The following ECSIT variants were observed in gnomAD, a reference collection of about 807,000 sequenced individuals.
ECSIT encodes the protein ECSIT signaling integrator, also known as evolutionarily conserved signaling intermediate in Toll pathway, mitochondrial.
Under a neutral mutation model 36.8 loss-of-function variants are expected in ECSIT, and 29 were observed. The ratio of observed to expected loss-of-function variants is 0.79; its 90% CI spans 0.59 to 1.08. The LOEUF (loss-of-function observed/expected upper bound fraction) is 1.08, where lower values mean the gene tolerates loss of function less well. ECSIT is among the 50% of genes least tolerant of loss of function. ECSIT has a pLI of 0.00. For synonymous variants in ECSIT, 231 were observed against 234.8 expected (o/e 0.98, Z 0.15); for missense variants, 542 against 581.0 (o/e 0.93, Z 0.69).
In ECSIT at chr19:11,513,921, G is replaced by T. The variant is rs371566251; in HGVS notation, c.397C>A (p.Leu133Ile). 7 of 1,614,204 alleles carry T rather than the reference G, an allele frequency of 4.3e-6. No individual in the cohort carries two copies. Among genetic ancestry groups the T allele is most frequent in the Non-Finnish European group, 5.9e-6 (7 of 1,180,040 alleles). Residue 133 changes from leucine to isoleucine, a missense_variant, in exon 3 of 8, where the codon CTC becomes ATC. Physicochemically the swap from Leu to Ile is conservative, Grantham distance 5. Transcript: ENST00000270517. ...ERDLAVYNQL[L>I]NIFPKEVFRP... ...AAGACCTCCTTGGGGAAGATGTTGAGCAGCTGGTTGTACACAGCCAGGTCC... is the reference window on the plus strand; with the variant it reads ...AAGACCTCCTTGGGGAAGATGTTGATCAGCTGGTTGTACACAGCCAGGTCC...
At chr19:11,507,411 G>C in intron 7 of ECSIT, 46 bp downstream of exon 7, 1 of 1,505,744 alleles carries the variant, frequency 6.6e-7, no homozygotes, top group South Asian at 1.1e-5. Context: ...GGAGGGCTGG[G>C]ATTACGAGCA....
intron 1 of ECSIT, among the ~76,000 whole-genome samples, chr19:11,524,295 G>T (rs1328711523): frequency 6.6e-6 from 1 of 151,978 alleles, no homozygotes; most frequent in Non-Finnish European, 1.5e-5. Context: ...AGGCCGAGGT[G>T]GGCAGATCAC....
intron 3 of ECSIT, among the ~76,000 whole-genome samples, chr19:11,513,522 AAGAAAGAG>A (rs1038945393): frequency 1.4e-5 from 2 of 139,412 alleles, no homozygotes; most frequent in Non-Finnish European, 3.0e-5. Context: ...CCATTTCTAA[AAGAAAGAG>A]AGAAAGAGAG....
At chr19:11,514,491 G>C (rs1240224692) in intron 2 of ECSIT, among the ~76,000 whole-genome samples, 2 of 151,778 alleles carry the variant, frequency 1.3e-5, no homozygotes, top group Non-Finnish European at 2.9e-5. Flanking sequence ...TCACAGTGAT[G>C]ACACACACAT....
chr19:11,507,361 C>A (rs1971768392), intron 7 of ECSIT, 96 bp downstream of exon 7: 2 of 960,234 alleles, frequency 2.1e-6, no homozygotes, highest in Non-Finnish European at 3.3e-6. Flanking sequence ...ACTGCAACCT[C>A]AACTCCTGGG....
intron 4 of ECSIT, among the ~76,000 whole-genome samples, chr19:11,511,714 C>T (rs943775500): frequency 6.6e-6 from 1 of 152,052 alleles, no homozygotes; most frequent in South Asian, 2.1e-4. Flanking sequence ...AGGGCTCTGC[C>T]TTCATGAATG....
At chr19:11,515,414 G>A (rs1971977841) in intron 2 of ECSIT, among the ~76,000 whole-genome samples, 1 of 151,504 alleles carries the variant, frequency 6.6e-6, no homozygotes, top group African/African-American at 2.4e-5. Context: ...GCCACCTTAA[G>A]TCTTGAGATT....
At position 11,509,641 on chromosome 19, in the gene ECSIT, G is replaced by T. The variant is rs79847103; in HGVS notation, c.739-1593C>A. Among the ~76,000 whole-genome samples the T allele has an allele frequency of 6.7e-3, 1,013 of 151,146 alleles. 12 individuals carry two copies. The highest frequency in any genetic ancestry group is 0.023 in the African/African-American group (971 of 41,326). ...AAATTAGCCAGGCGTGGTGGCACAC[G>T]CCTGTAGTCCCTGCTACATGGGAGG... On this transcript the variant is annotated intron_variant, in intron 4 of 7. Transcript: ENST00000270517.
At chr19:11,513,689 G>A (rs1971923666) in intron 3 of ECSIT, 115 bp downstream of exon 3, 5 of 1,259,762 alleles carry the variant, frequency 4.0e-6, no homozygotes, top group South Asian at 3.8e-5. Flanking sequence ...AGAGGGAGAA[G>A]AGCGAGAGAG....
rs764411640 is a variant in ECSIT at position 11,514,127 on chromosome 19, C to T, written c.191G>A (p.Arg64Lys). 6.2e-7 allele frequency: 1 copy of T among 1,614,056 alleles called. No homozygotes were observed. The highest frequency in any genetic ancestry group is 8.5e-7 in the Non-Finnish European group (1 of 1,179,928). Residue 64 changes from arginine (R) to lysine (K), a missense_variant, in exon 3 of 8, where the codon AGG becomes AAG. Arg to Lys is a conservative substitution (Grantham distance 26, BLOSUM62 2). Coordinates refer to ENST00000270517, the MANE Select transcript of ECSIT (RefSeq NM_016581.5). ...LVPSPPEPRQ[R>K]PTKALVPFED... ...AAAGGGCACCAGAGCCTTGGTGGGC[C>T]TCTGCCGGGGTTCCGGTGGGCTGGG...
chr19:11,507,664 T>G, intron 6 of ECSIT, 38 bp downstream of exon 6: 1 of 1,613,802 alleles, frequency 6.2e-7, no homozygotes, highest in Non-Finnish European at 8.5e-7. Context: ...GCCAGCCCAC[T>G]CCCCAGCCCC....
intron 1 of ECSIT, among the ~76,000 whole-genome samples, chr19:11,520,208 G>T (rs1295684524): frequency 6.6e-6 from 1 of 151,688 alleles, no homozygotes; most frequent in Non-Finnish European, 1.5e-5. Context: ...GTCTCGCTCT[G>T]TCACCCAGGC....
chr19:11,512,966 A>G (rs1971901348), intron 4 of ECSIT, 90 bp downstream of exon 4: 1 of 1,308,956 alleles, frequency 7.6e-7, no homozygotes, highest in South Asian at 1.2e-5. Flanking sequence ...ATTCACCACA[A>G]TCACTAGAGT....
intron 1 of ECSIT, among the ~76,000 whole-genome samples, chr19:11,522,669 C>T (rs1227757087): frequency 2.6e-5 from 4 of 151,844 alleles, no homozygotes; most frequent in Middle Eastern, 3.4e-3. Flanking sequence ...GCTGAGATCG[C>T]GCCACTGCAC....
At position 11,523,653 on chromosome 19, in the gene ECSIT, A is replaced by C. The variant is rs187074268; in HGVS notation, c.-23-4460T>G. On this transcript the variant is annotated intron_variant, in intron 1 of 7. Transcript: ENST00000270517. The stretch of plus-strand genomic sequence containing the variant: ...TGGAGTCCCTTTGTGCTGAGCACCA[A>C]ATCAACTTAATTAAGGTTGATGACA... The C allele has an allele frequency of 5.4e-5, 42 of 779,770 alleles. No homozygotes were observed. The East Asian group carries it at 9.7e-4, about 18-fold the overall frequency. 48.3% of individuals were successfully genotyped at this position (779,770 alleles called of 1,614,324 possible). A position where few individuals can be genotyped will look rare whatever the true frequency, so the allele number is the denominator to read the frequency against.
At chr19:11,527,428 C>A (rs1972238377) in intron 1 of ECSIT, among the ~76,000 whole-genome samples, 1 of 152,186 alleles carries the variant, frequency 6.6e-6, no homozygotes, top group South Asian at 2.1e-4. Context: ...TGCCTGTAAT[C>A]CCAACACTTT....
rs1338356139 is a variant in ECSIT at position 11,513,727 on chromosome 19, G to A, written c.514+77C>T. 2.0e-6 allele frequency: 3 copies of A among 1,527,574 alleles called. No homozygotes were observed. The East Asian group carries it at 6.8e-5, about 35-fold the overall frequency. 94.6% of individuals were successfully genotyped at this position (1,527,574 alleles called of 1,614,324 possible). On this transcript the variant is annotated intron_variant, in intron 3 of 7. Coordinates refer to ENST00000270517, the MANE Select transcript of ECSIT (RefSeq NM_016581.5). ...AGAGACGGAGCCATGGAGGAAGGAG[G>A]GGCTGAGACTCAGGAGAGGTGCTGC...
At chr19:11,527,309 G>A (rs991773845) in intron 1 of ECSIT, among the ~76,000 whole-genome samples, 4 of 152,120 alleles carry the variant, frequency 2.6e-5, no homozygotes, top group African/African-American at 4.8e-5. Context: ...GCGACAGAGC[G>A]AGATTCCATC....
chr19:11,506,723 T>C (rs1324923800), intron 7 of ECSIT, among the ~76,000 whole-genome samples: 2 of 151,998 alleles, frequency 1.3e-5, no homozygotes, highest in Non-Finnish European at 2.9e-5. Flanking sequence ...TTAGTAGAGA[T>C]GGGGTTTCAC....
Sources: gnomAD v4.1 joint callset for allele counts (sites outside exome capture counted in the v4.1 genomes callset) on GRCh38, gnomAD v4.1.1 for gene constraint, MANE v1.5 for transcripts, NCBI Gene and HGNC (gene_info 2026-07-23, HGNC 2026-07-21) for gene names.